The following NMNAT3 variants were observed in gnomAD, a reference collection of about 807,000 sequenced individuals.
The protein encoded by NMNAT3 is nicotinamide/nicotinic acid mononucleotide adenylyltransferase 3.
In NMNAT3, 21 loss-of-function variants were observed where a neutral mutation model predicts 24.8. The ratio of observed to expected loss-of-function variants is 0.85; its 90% confidence interval spans 0.60 to 1.22. NMNAT3 has a LOEUF of 1.22. Ranked by LOEUF, NMNAT3 falls within the 50% of genes most tolerant of loss-of-function variation. The pLI is 0.00. For missense variants in NMNAT3, 387 were observed against 436.6 expected, an observed-to-expected ratio of 0.89 and a Z score of 1.01; for synonymous variants, 136 against 155.2, an observed-to-expected ratio of 0.88 and a Z score of 0.92.
At chr3:139,664,876 A>G (rs1255349696) in intron 1 of NMNAT3, among the ~76,000 whole-genome samples, 1 of 152,224 alleles carries the variant, frequency 6.6e-6, no homozygotes, top group Non-Finnish European at 1.5e-5. Context: ...CCTAGCAAAA[A>G]CAATAAGAGT....
chr3:139,586,183 T>C (rs924746452), intron 3 of NMNAT3, among the ~76,000 whole-genome samples: 3 of 152,180 alleles, frequency 2.0e-5, no homozygotes, highest in East Asian at 3.9e-4. Context: ...TGAGAACTCA[T>C]GATCACAAAG....
At chr3:139,573,743 A>AT in intron 5 of NMNAT3, 63 bp from the exon 6 acceptor site, 1 of 890,222 alleles carries the variant, frequency 1.1e-6, no homozygotes, top group Non-Finnish European at 1.7e-6. Flanking sequence ...CCACCCAGGG[A>AT]TTTTCAGATT....
rs558553901 is a variant in NMNAT3, at chr3:139,646,439, T to A, written c.-140-8377A>T. ...GCAGATGCATTCCCCCTGTTTCAGG[T>A]GGGGCAGTCCACGTAGGCCCCATCC... On this transcript the variant is annotated intron_variant, in intron 1 of 6. Coordinates refer to ENST00000643695, the MANE Select transcript of NMNAT3 (RefSeq NM_001320510.2). Among the ~76,000 whole-genome samples the A allele has an allele frequency of 2.0e-5, 3 of 152,188 alleles. No individual in the cohort carries two copies. In the East Asian group the frequency reaches 5.8e-4, roughly 29 times the overall value.
intron 3 of NMNAT3, among the ~76,000 whole-genome samples, chr3:139,605,780 C>T (rs1205697685): frequency 6.6e-6 from 1 of 151,872 alleles, no homozygotes; most frequent in Non-Finnish European, 1.5e-5. Context: ...ATTCTTTGTC[C>T]CTAAAATGGG....
At chr3:139,595,776 G>A (rs1355178454) in intron 3 of NMNAT3, among the ~76,000 whole-genome samples, 1 of 152,126 alleles carries the variant, frequency 6.6e-6, no homozygotes, top group Non-Finnish European at 1.5e-5. Flanking sequence ...AGCTGAAACT[G>A]GATCCCTTCC....
intron 3 of NMNAT3, among the ~76,000 whole-genome samples, chr3:139,611,269 T>C (rs944869775): frequency 3.3e-5 from 5 of 152,152 alleles, no homozygotes; most frequent in Admixed American, 6.5e-5. Context: ...GCCACAGGAA[T>C]AGGAGATGCT....
intron 2 of NMNAT3, 54 bp from the exon 3 acceptor site, chr3:139,634,701 A>T (rs183912910): frequency 6.6e-6 from 1 of 152,342 alleles, no homozygotes; most frequent in African/African-American, 2.4e-5. Flanking sequence ...TGAGACTCCC[A>T]GGAAAGCAGG....
At chr3:139,613,389 C>G (rs2055324356) in intron 3 of NMNAT3, among the ~76,000 whole-genome samples, 1 of 152,176 alleles carries the variant, frequency 6.6e-6, no homozygotes. Context: ...AAAAAATGCT[C>G]ATCATCACTG....
chr3:139,649,270 G>A (rs967722933), intron 1 of NMNAT3, among the ~76,000 whole-genome samples: 2 of 152,040 alleles, frequency 1.3e-5, no homozygotes, highest in Non-Finnish European at 2.9e-5. Context: ...ATTGCCTGTG[G>A]TTTCTGGAAG....
intron 3 of NMNAT3, among the ~76,000 whole-genome samples, chr3:139,592,513 A>C (rs2054244365): frequency 6.6e-6 from 1 of 152,200 alleles, no homozygotes; most frequent in Non-Finnish European, 1.5e-5. Context: ...AAGACACATA[A>C]TTGTCAGATT....
rs190119474 is a variant in NMNAT3, at chr3:139,585,413, C to G, written c.110-2205G>C. On this transcript the variant is annotated intron_variant, in intron 3 of 6. Transcript: ENST00000643695. ...CTTTTTTCTTTAGATATAAATACTA[C>G]TTTTAAAATCTGTATCATACAATGC... 1.4e-4 allele frequency among the ~76,000 whole-genome samples: 21 copies of G among 152,242 alleles called. No homozygotes were observed. The East Asian group carries it at 4.0e-3, about 29-fold the overall frequency.
intron 6 of NMNAT3, chr3:139,568,378 C>G (rs1448321402): frequency 6.6e-6 from 1 of 152,102 alleles, no homozygotes; most frequent in Non-Finnish European, 1.5e-5. Flanking sequence ...TTCTTGCCTT[C>G]TGCTAGCTTT....
At chr3:139,670,540 T>C (rs570820106) in intron 1 of NMNAT3, among the ~76,000 whole-genome samples, 5 of 152,370 alleles carry the variant, frequency 3.3e-5, no homozygotes, top group Non-Finnish European at 7.3e-5. Context: ...AGTCCTTGTC[T>C]TGTGACATGA....
chr3:139,620,200 C>CTTTT (rs34725809), intron 3 of NMNAT3, among the ~76,000 whole-genome samples: 1 of 126,690 alleles, frequency 7.9e-6, no homozygotes, highest in Non-Finnish European at 1.7e-5. Flanking sequence ...CTTGTGGAGT[C>CTTTT]TTTTTTTTTT....
At chr3:139,592,843 G>A (rs575005322) in intron 3 of NMNAT3, among the ~76,000 whole-genome samples, 13 of 152,142 alleles carry the variant, frequency 8.5e-5, no homozygotes, top group East Asian at 5.8e-4. Flanking sequence ...AAGGAACAAC[G>A]GGTACCAGCC....
At chr3:139,673,609 T>C (rs1165980826) in intron 1 of NMNAT3, among the ~76,000 whole-genome samples, 3 of 152,100 alleles carry the variant, frequency 2.0e-5, no homozygotes, top group Non-Finnish European at 4.4e-5. Flanking sequence ...GCCTCCTCCT[T>C]CAGGAGAGTT....
chr3:139,648,039 T>C (rs1030813988), intron 1 of NMNAT3, among the ~76,000 whole-genome samples: 5 of 152,200 alleles, frequency 3.3e-5, no homozygotes, highest in African/African-American at 1.2e-4. Flanking sequence ...TGTAGTGATA[T>C]GGTTTGGCTG....
intron 6 of NMNAT3, chr3:139,570,770 G>A (rs1049904474): frequency 6.5e-6 from 1 of 152,686 alleles, no homozygotes; most frequent in Non-Finnish European, 1.5e-5. Context: ...ATGCCTCCCA[G>A]TTAGGCTACT....
At chr3:139,660,111 GT>G (rs2057367797) in intron 1 of NMNAT3, among the ~76,000 whole-genome samples, 1 of 152,190 alleles carries the variant, frequency 6.6e-6, no homozygotes, top group Non-Finnish European at 1.5e-5. Context: ...ACTCCAGCCA[GT>G]GTCAACTAGG....
Sources: gnomAD v4.1 joint callset for allele counts (sites outside exome capture counted in the v4.1 genomes callset) on GRCh38, gnomAD v4.1.1 for gene constraint, MANE v1.5 for transcripts, NCBI Gene and HGNC (gene_info 2026-07-23, HGNC 2026-07-21) for gene names.